The following GALNTL6 variants were observed in gnomAD, a reference collection of about 807,000 sequenced individuals.
GALNTL6 encodes polypeptide N-acetylgalactosaminyltransferase like 6.
GALNTL6 carries 46 observed loss-of-function variants against 73.7 expected under a neutral mutation model. That is an observed-to-expected ratio of 0.62 (90% CI 0.49 to 0.80). The LOEUF is 0.80. Among genes scored for constraint, GALNTL6 ranks in the 30% least tolerant of loss-of-function variants. GALNTL6 has a pLI of 0.00. For synonymous variants in GALNTL6, 259 were observed against 263.7 expected, an observed-to-expected ratio of 0.98 and a Z score of 0.17; for missense variants, 604 against 755.0, an observed-to-expected ratio of 0.80 and a Z score of 2.34.
intron 5 of GALNTL6, among the ~76,000 whole-genome samples, chr4:172,426,003 C>T (rs1179588493): frequency 6.6e-6 from 1 of 151,790 alleles, no homozygotes; most frequent in African/African-American, 2.4e-5. Context: ...ATATAATTTC[C>T]TTTGTATTTT....
intron 2 of GALNTL6, among the ~76,000 whole-genome samples, chr4:172,080,233 T>C (rs1422117023): frequency 1.3e-5 from 2 of 152,178 alleles, no homozygotes; most frequent in East Asian, 3.8e-4. Context: ...CTTGCTTGAG[T>C]GTAGTGGCAA....
intron 5 of GALNTL6, among the ~76,000 whole-genome samples, chr4:172,664,067 G>A (rs1434508944): frequency 6.6e-6 from 1 of 152,166 alleles, no homozygotes; most frequent in Non-Finnish European, 1.5e-5. Flanking sequence ...AAGAATATCG[G>A]CTACATGGCA....
At chr4:172,702,310 T>C (rs1387028051) in intron 5 of GALNTL6, among the ~76,000 whole-genome samples, 1 of 152,092 alleles carries the variant, frequency 6.6e-6, no homozygotes, top group Non-Finnish European at 1.5e-5. Flanking sequence ...ATTTATGCCT[T>C]CATTTAGTTT....
intron 5 of GALNTL6, among the ~76,000 whole-genome samples, chr4:172,671,854 T>C (rs770992164): frequency 1.2e-4 from 19 of 152,036 alleles, no homozygotes; most frequent in Non-Finnish European, 2.6e-4. Flanking sequence ...TTTTTGTTTG[T>C]TTGGTTTTTT....
chr4:172,268,606 G>C (rs931596527), intron 3 of GALNTL6, among the ~76,000 whole-genome samples: 1 of 152,186 alleles, frequency 6.6e-6, no homozygotes, highest in Non-Finnish European at 1.5e-5. Flanking sequence ...CGCAGTTGGG[G>C]AAACAAATCT....
rs545974206 is a variant in GALNTL6, at chr4:172,310,650, CA to C, written c.248-960del. On this transcript the variant is annotated intron_variant, in intron 3 of 12. Coordinates refer to ENST00000506823, the MANE Select transcript of GALNTL6 (RefSeq NM_001034845.3). ...ATTATATTTATCGCACTTCTCACAC[CA>C]AAACATATTCCAGATGTTTCAAAAA... is the stretch of plus-strand genomic sequence containing the variant. Among the ~76,000 whole-genome samples the C allele has an allele frequency of 1.1e-3, 172 of 152,006 alleles. 1 individual carries two copies. Among genetic ancestry groups the C allele is most frequent in the Admixed American group, 2.0e-3 (30 of 15,258 alleles).
intron 4 of GALNTL6, among the ~76,000 whole-genome samples, chr4:172,335,778 G>A (rs1348731994): frequency 6.6e-6 from 1 of 152,114 alleles, no homozygotes; most frequent in East Asian, 1.9e-4. Flanking sequence ...ATTTCTGTTA[G>A]ATCAGTTGTA....
At chr4:172,690,185 T>C (rs1733182584) in intron 5 of GALNTL6, among the ~76,000 whole-genome samples, 2 of 152,232 alleles carry the variant, frequency 1.3e-5, no homozygotes, top group Admixed American at 1.3e-4. Context: ...ATTTCATTTT[T>C]TCTGAGGAAG....
At chr4:172,481,034 G>A (rs1340443045) in intron 5 of GALNTL6, among the ~76,000 whole-genome samples, 1 of 152,328 alleles carries the variant, frequency 6.6e-6, no homozygotes, top group Non-Finnish European at 1.5e-5. Context: ...CTGACTTCAA[G>A]AATGAAGCCG....
intron 4 of GALNTL6, among the ~76,000 whole-genome samples, chr4:172,326,189 A>G (rs918465563): frequency 6.6e-6 from 1 of 152,026 alleles, no homozygotes; most frequent in Non-Finnish European, 1.5e-5. Flanking sequence ...CTACGTATAT[A>G]TAGCAATTTT....
intron 6 of GALNTL6, 86 bp from the exon 7 acceptor site, chr4:172,813,454 G>T: frequency 1.8e-6 from 2 of 1,103,718 alleles, no homozygotes; most frequent in South Asian, 3.2e-5. Flanking sequence ...ATGCATTAGT[G>T]GAGGACTGTA....
chr4:172,491,974 T>G (rs1291484964), intron 5 of GALNTL6, among the ~76,000 whole-genome samples: 1 of 152,184 alleles, frequency 6.6e-6, no homozygotes, highest in East Asian at 1.9e-4. Flanking sequence ...GAAATTTCAT[T>G]CATTCATTTA....
In GALNTL6 at chr4:172,439,039, C is replaced by G. The variant is rs181109346; in HGVS notation, c.553+90350C>G. ...CTACATTTGCAAATCTCTCCTCTCT[C>G]TCATTGTTATAAATATTTCCCTCCA... On this transcript the variant is annotated intron_variant, in intron 5 of 12. Transcript: ENST00000506823. Among the ~76,000 whole-genome samples the G allele has an allele frequency of 4.6e-5, 7 of 152,134 alleles. No individual in the cohort carries two copies. In the East Asian group the frequency reaches 1.4e-3, roughly 29 times the overall value.
At chr4:171,881,893 A>C (rs781596276) in intron 2 of GALNTL6, among the ~76,000 whole-genome samples, 7 of 152,224 alleles carry the variant, frequency 4.6e-5, no homozygotes, top group Admixed American at 6.5e-5. Context: ...ATATGTAATC[A>C]CATTCAATGA....
intron 5 of GALNTL6, among the ~76,000 whole-genome samples, chr4:172,695,798 A>C (rs554682823): frequency 6.6e-6 from 1 of 152,116 alleles, no homozygotes; most frequent in East Asian, 1.9e-4. Flanking sequence ...ATTACAAAGA[A>C]AAAAATTAGC....
At chr4:172,096,511 G>C (rs1560921585) in intron 2 of GALNTL6, among the ~76,000 whole-genome samples, 1 of 148,912 alleles carries the variant, frequency 6.7e-6, no homozygotes, top group Non-Finnish European at 1.5e-5. Context: ...TTTTCTGATT[G>C]CTTATATTTA....
At chr4:172,327,377 T>C (rs1740979042) in intron 4 of GALNTL6, among the ~76,000 whole-genome samples, 1 of 152,082 alleles carries the variant, frequency 6.6e-6, no homozygotes, top group Admixed American at 6.6e-5. Flanking sequence ...TATTTTGTTG[T>C]TTGGGGTGGA....
At chr4:172,428,052 G>A (rs10008531) in intron 5 of GALNTL6, among the ~76,000 whole-genome samples, 119,305 of 151,984 alleles carry the variant, frequency 0.78, 48,252 homozygotes, top group Non-Finnish European at 0.88. Flanking sequence ...AAGAAGTTGA[G>A]AAAGTTTGGC....
chr4:172,215,226 T>A (rs1736458252), intron 2 of GALNTL6, among the ~76,000 whole-genome samples: 1 of 152,162 alleles, frequency 6.6e-6, no homozygotes, highest in Non-Finnish European at 1.5e-5. Flanking sequence ...TATTCTATTG[T>A]TTTGGGATTG....
Sources: allele counts gnomAD v4.1 joint callset (sites outside exome capture counted in the v4.1 genomes callset), GRCh38; gene constraint gnomAD v4.1.1; transcripts MANE v1.5; gene names NCBI Gene and HGNC (gene_info 2026-07-23, HGNC 2026-07-21).